The following SUGCT variants were observed in gnomAD, a reference collection of about 807,000 sequenced individuals.
SUGCT encodes the protein succinyl-CoA:glutarate CoA-transferase.
In SUGCT, 41 loss-of-function variants were observed where a neutral mutation model predicts 55.0. The ratio of observed to expected loss-of-function variants is 0.74; its 90% confidence interval spans 0.58 to 0.97. The LOEUF (loss-of-function observed/expected upper bound fraction) is 0.97, where lower values mean the gene tolerates loss of function less well. SUGCT is among the 50% of genes least tolerant of loss of function. The pLI is 0.00. For synonymous variants in SUGCT, 187 were observed against 200.4 expected (o/e 0.93, Z 0.56); for missense variants, 568 against 547.8 (o/e 1.04, Z -0.37).
At chr7:40,848,771 G>C (rs535245209) in intron 13 of SUGCT, among the ~76,000 whole-genome samples, 3 of 152,176 alleles carry the variant, frequency 2.0e-5, no homozygotes, top group Non-Finnish European at 2.9e-5. Context: ...GCCATGGATT[G>C]AGTTCTTCTG....
chr7:40,819,624 A>G (rs1791872635), intron 13 of SUGCT, among the ~76,000 whole-genome samples: 1 of 152,042 alleles, frequency 6.6e-6, no homozygotes, highest in South Asian at 2.1e-4. Flanking sequence ...TTTCTTGTAA[A>G]TTTGTTTAAG....
At chr7:40,798,902 G>A (rs1790679325) in intron 13 of SUGCT, among the ~76,000 whole-genome samples, 1 of 152,112 alleles carries the variant, frequency 6.6e-6, no homozygotes, top group Non-Finnish European at 1.5e-5. Flanking sequence ...ACCCCAAAGT[G>A]TTAGGTTCAC....
At chr7:40,618,671 A>G (rs972195477) in intron 12 of SUGCT, among the ~76,000 whole-genome samples, 1 of 152,198 alleles carries the variant, frequency 6.6e-6, no homozygotes, top group African/African-American at 2.4e-5. Context: ...ATTTATTTGT[A>G]TAGAAACTTC....
the SUGCT span, among the ~76,000 whole-genome samples, chr7:41,015,682 T>C: frequency 6.6e-6 from 1 of 152,294 alleles, no homozygotes; most frequent in African/African-American, 2.4e-5. Context: ...TAATGAAACT[T>C]TCTATAGGAG....
At chr7:40,392,147 T>TG (rs1358318137) in intron 9 of SUGCT, among the ~76,000 whole-genome samples, 4 of 151,566 alleles carry the variant, frequency 2.6e-5, no homozygotes, top group African/African-American at 7.3e-5. Context: ...AGTGGGGAGA[T>TG]GGGGGAGGGA....
At chr7:40,256,557 G>T (rs1790823241) in intron 7 of SUGCT, among the ~76,000 whole-genome samples, 1 of 152,118 alleles carries the variant, frequency 6.6e-6, no homozygotes, top group Admixed American at 6.6e-5. Flanking sequence ...GTTACATAGG[G>T]TGAGGAATGA....
At chr7:40,969,259 C>G in the SUGCT span, among the ~76,000 whole-genome samples, 1 of 152,222 alleles carries the variant, frequency 6.6e-6, no homozygotes, top group Non-Finnish European at 1.5e-5. Context: ...GTGTTATACT[C>G]TGCTTATGAT....
At chr7:40,206,643 T>C (rs1431419808) in intron 6 of SUGCT, among the ~76,000 whole-genome samples, 1 of 152,242 alleles carries the variant, frequency 6.6e-6, no homozygotes, top group East Asian at 1.9e-4. Flanking sequence ...TCTGATATGA[T>C]AGGCATAGTG....
intron 9 of SUGCT, among the ~76,000 whole-genome samples, chr7:40,351,750 C>T (rs569450570): frequency 1.4e-4 from 22 of 152,252 alleles, no homozygotes; most frequent in African/African-American, 5.3e-4. Context: ...GCCAACTTAT[C>T]TATGTTTTTG....
At chr7:40,418,123 G>T (rs1281790005) in intron 9 of SUGCT, among the ~76,000 whole-genome samples, 2 of 152,020 alleles carry the variant, frequency 1.3e-5, no homozygotes, top group Non-Finnish European at 2.9e-5. Flanking sequence ...TTAGGTTTTT[G>T]AATATTACAT....
chr7:40,901,490 C>T, the SUGCT span, among the ~76,000 whole-genome samples: 3 of 147,530 alleles, frequency 2.0e-5, no homozygotes, highest in Non-Finnish European at 4.5e-5. Flanking sequence ...GTATACTAGA[C>T]AGTGCAGTTG....
intron 7 of SUGCT, among the ~76,000 whole-genome samples, chr7:40,246,333 TC>T (rs769105209): frequency 1.3e-4 from 19 of 151,724 alleles, no homozygotes; most frequent in Non-Finnish European, 2.6e-4. Context: ...CACTGCAACA[TC>T]CGTCTCCAGG....
intron 13 of SUGCT, among the ~76,000 whole-genome samples, chr7:40,858,403 CAAAAAAAAAAA>C (rs58628576): frequency 2.9e-5 from 1 of 34,752 alleles, no homozygotes; most frequent in Admixed American, 3.5e-4. Flanking sequence ...AATTCCATCT[CAAAAAAAAAAA>C]AAAAAAAAAA....
At chr7:40,264,257 G>T (rs1791410703) in intron 7 of SUGCT, among the ~76,000 whole-genome samples, 1 of 152,108 alleles carries the variant, frequency 6.6e-6, no homozygotes, top group Admixed American at 6.6e-5. Flanking sequence ...GGACTCCATA[G>T]TGTTACTGAG....
chr7:40,212,164 A>G (rs1052818757), intron 6 of SUGCT, among the ~76,000 whole-genome samples: 7 of 151,792 alleles, frequency 4.6e-5, no homozygotes, highest in African/African-American at 1.7e-4. Context: ...GGCTCACTGC[A>G]GCCTTGATCC....
At chr7:40,615,245 AAG>A (rs2151780014) in intron 12 of SUGCT, among the ~76,000 whole-genome samples, 1 of 152,256 alleles carries the variant, frequency 6.6e-6, no homozygotes, top group East Asian at 1.9e-4. Flanking sequence ...TCAGTTTTCA[AAG>A]ATTTTTTTTC....
At chr7:40,412,265 A>G (rs1182124843) in intron 9 of SUGCT, among the ~76,000 whole-genome samples, 1 of 152,152 alleles carries the variant, frequency 6.6e-6, no homozygotes, top group Non-Finnish European at 1.5e-5. Context: ...CTGTTCATGC[A>G]CTTCTTTTCT....
chr7:40,245,425 T>TATATATATATATATA (rs60745175), intron 7 of SUGCT, among the ~76,000 whole-genome samples: 1 of 12,658 alleles, frequency 7.9e-5, no homozygotes, highest in African/African-American at 4.5e-4. Context: ...ATATATATAT[T>TATATATATATATATA]TTTTTTTTTT....
chr7:40,970,495 A>AT, the SUGCT span, among the ~76,000 whole-genome samples: 506 of 152,190 alleles, frequency 3.3e-3, 1 homozygote, highest in Non-Finnish European at 5.8e-3. Context: ...TTAACTATGT[A>AT]TTTTTTTCAT....
Sources: allele counts gnomAD v4.1 joint callset (sites outside exome capture counted in the v4.1 genomes callset), GRCh38; gene constraint gnomAD v4.1.1; transcripts MANE v1.5; gene names NCBI Gene and HGNC (gene_info 2026-07-23, HGNC 2026-07-21).